The following DLD variants were observed in gnomAD, a reference collection of about 807,000 sequenced individuals.
DLD encodes the protein dihydrolipoamide dehydrogenase, also known as dihydrolipoyl dehydrogenase, mitochondrial.
Under a neutral mutation model 62.2 loss-of-function variants are expected in DLD, and 36 were observed. The observed-to-expected ratio is 0.58, with a 90% confidence interval of 0.44 to 0.76. DLD has a LOEUF of 0.76. Ranked by LOEUF, DLD falls within the 30% of genes least tolerant of loss-of-function variation. DLD has a pLI of 0.00. For synonymous variants in DLD, 204 were observed against 199.6 expected (o/e 1.02, Z -0.19); for missense variants, 541 against 608.6 (o/e 0.89, Z 1.17).
In DLD at chr7:107,897,574, C is replaced by CTTTT. The variant is rs35546358; in HGVS notation, c.119-4145_119-4142dup. ...AGTGGTAGGTATTATTGTAGACTGA[C>CTTTT]TTTTTTTTTTTTTTTTTTTTTTGAA... On this transcript the variant is annotated intron_variant, in intron 2 of 13. Transcript: ENST00000205402. Among the ~76,000 whole-genome samples, 548 of 111,328 alleles carry CTTTT rather than the reference C, an allele frequency of 4.9e-3. 20 individuals carry two copies. Among genetic ancestry groups the CTTTT allele is most frequent in the African/African-American group, 0.018 (504 of 28,762 alleles). The allele number at this position is 111,328 out of a possible 152,430, so 73.0% of individuals were successfully genotyped here.
chr7:107,917,166 AT>A, intron 10 of DLD, 106 bp from the exon 11 acceptor site: 3 of 1,347,876 alleles, frequency 2.2e-6, no homozygotes, highest in Non-Finnish European at 2.1e-6. Flanking sequence ...CATTTGATGT[AT>A]TTTTTGGTGA....
At position 107,905,030 on chromosome 7, in the gene DLD, G is replaced by T; in HGVS notation, c.410G>T (p.Gly137Val). Residue 137 changes from glycine to valine, a missense_variant, in exon 6 of 14, where the codon GGA becomes GTA. Transcript: ENST00000205402. ...KSTAVKALTGGIAHLFKQNKV... is the reference protein window; with the variant it reads ...KSTAVKALTGVIAHLFKQNKV... The stretch of plus-strand genomic sequence containing the variant: ...ACTGCAGTAAAAGCTTTAACAGGTG[G>T]AATTGCCCACTTATTCAAACAGAAT... The T allele has an allele frequency of 6.2e-7, 1 of 1,612,362 alleles. No individual in the cohort carries two copies. The highest frequency in any genetic ancestry group is 8.5e-7 in the Non-Finnish European group (1 of 1,178,810).
intron 6 of DLD, 150 bp downstream of exon 6, chr7:107,905,208 TCA>T: frequency 9.8e-7 from 1 of 1,023,666 alleles, no homozygotes; most frequent in Non-Finnish European, 1.5e-6. Flanking sequence ...CTGACATATA[TCA>T]CAGATTTTTT....
intron 8 of DLD, among the ~76,000 whole-genome samples, chr7:107,908,032 T>C (rs1230408891): frequency 6.6e-6 from 1 of 152,240 alleles, no homozygotes; most frequent in Non-Finnish European, 1.5e-5. Flanking sequence ...TGAAACACTT[T>C]GCCTAACTTC....
Position 107,915,559 on chromosome 7 carries a change from T to G in DLD, c.738T>G (p.Gly246=). Residue 246 remains glycine (G), a synonymous_variant, in exon 9 of 14, where the codon GGT becomes GGG. Coordinates refer to ENST00000205402, the MANE Select transcript of DLD (RefSeq NM_000108.5). The part of the protein sequence containing the change: ...GADVTAVEFL[G]HVGGVGIDME... ...ATGTGACAGCAGTTGAATTTTTAGG[T>G]CATGTAGGTGGAGTTGGAATTGATA... is the stretch of plus-strand genomic sequence containing the variant. 1.2e-6 allele frequency: 2 copies of G among 1,613,902 alleles called. No homozygotes were observed. The highest frequency in any genetic ancestry group is 1.7e-6 in the Non-Finnish European group (2 of 1,179,916).
chr7:107,909,839 CTTTTTTT>C (rs71134292), intron 8 of DLD, among the ~76,000 whole-genome samples: 1 of 73,052 alleles, frequency 1.4e-5, no homozygotes, highest in Non-Finnish European at 2.3e-5. Flanking sequence ...GGAGAATTAA[CTTTTTTT>C]TTTTTTTTTT....
Position 107,915,507 on chromosome 7 carries a change from G to T in DLD, c.686G>T (p.Gly229Val). Residue 229 changes from glycine (G) to valine (V), a missense_variant and splice_region_variant, in exon 9 of 14, where the codon GGT becomes GTT. Physicochemically the swap from Gly to Val is moderately radical, Grantham distance 109 (BLOSUM62 -3). Coordinates refer to ENST00000205402, the MANE Select transcript of DLD (RefSeq NM_000108.5). ...IGAGVIGVEL[G>V]SVWQRLGADV... ...TGGGTTTTTTTAATTTATTTGCAGGGTTCAGTTTGGCAAAGACTTGGTGCA... is the reference window on the plus strand; with the variant it reads ...TGGGTTTTTTTAATTTATTTGCAGGTTTCAGTTTGGCAAAGACTTGGTGCA... 1 of 1,613,720 alleles carries T rather than the reference G, an allele frequency of 6.2e-7. No individual in the cohort carries two copies. The highest frequency in any genetic ancestry group is 8.5e-7 in the Non-Finnish European group (1 of 1,179,806).
chr7:107,917,895 C>T (rs374456538), intron 11 of DLD, 29 bp from the exon 12 acceptor site: 12 of 1,613,486 alleles, frequency 7.4e-6, no homozygotes, highest in African/African-American at 5.3e-5. Flanking sequence ...CTGGCAGTTA[C>T]GTAGATTCTT....
At chr7:107,917,103 A>G (rs2032289532) in intron 10 of DLD, 139 bp downstream of exon 10, 2 of 1,211,284 alleles carry the variant, frequency 1.7e-6, no homozygotes, top group South Asian at 1.3e-5. Context: ...AAAATAAAAA[A>G]TAACTGAATT....
intron 4 of DLD, among the ~76,000 whole-genome samples, chr7:107,903,074 G>T (rs1328825170): frequency 6.6e-6 from 1 of 152,136 alleles, no homozygotes; most frequent in Admixed American, 6.5e-5. Flanking sequence ...CATTACCACA[G>T]TACTTATCAT....
At chr7:107,891,608 G>GGAAGT in intron 1 of DLD, 1 of 535,846 alleles carries the variant, frequency 1.9e-6, no homozygotes, top group African/African-American at 1.9e-5. Context: ...CTACCTTGGA[G>GGAAGT]GAAGTGTAAG....
chr7:107,915,378 C>T lies in DLD; in HGVS notation c.685-128C>T, dbSNP rs892429514. 2.4e-5 allele frequency: 23 copies of T among 949,218 alleles called. No homozygotes were observed. The African/African-American group carries it at 2.5e-4, about 10-fold the overall frequency. 58.8% of individuals were successfully genotyped at this position (949,218 alleles called of 1,614,324 possible). A position where few individuals can be genotyped will look rare whatever the true frequency, so the allele number is the denominator to read the frequency against. On this transcript the variant is annotated intron_variant, in intron 8 of 13. Coordinates refer to ENST00000205402, the MANE Select transcript of DLD (RefSeq NM_000108.5). ...ATTTAACACAGGGTCAATTTTAAAC[C>T]TCGGAGCTTCTCATAGGAACATACT... is the stretch of plus-strand genomic sequence containing the variant.
At chr7:107,909,746 C>G (rs1240462875) in intron 8 of DLD, among the ~76,000 whole-genome samples, 1 of 151,974 alleles carries the variant, frequency 6.6e-6, no homozygotes, top group African/African-American at 2.4e-5. Flanking sequence ...CTGTCTGCCA[C>G]CTTTTGGCAG....
intron 1 of DLD, among the ~76,000 whole-genome samples, chr7:107,891,949 G>A (rs2031589769): frequency 6.6e-6 from 1 of 152,220 alleles, no homozygotes; most frequent in African/African-American, 2.4e-5. Flanking sequence ...CCGTGGCTGG[G>A]TACTATGTTA....
In DLD at chr7:107,905,343, A is replaced by C. The variant is rs748331300; in HGVS notation, c.439-18A>C. On this transcript the variant is annotated intron_variant, in intron 6 of 13. Transcript: ENST00000205402. The stretch of plus-strand genomic sequence containing the variant: ...ATTACTTTAAACTTTGTGAATTTAT[A>C]AAGATTATTTTGTAAAGGTTGTTCA... 1 of 1,605,232 alleles carries C rather than the reference A, an allele frequency of 6.2e-7. No homozygotes were observed. Among genetic ancestry groups the C allele is most frequent in the Non-Finnish European group, 8.5e-7 (1 of 1,172,272 alleles).
chr7:107,904,951 A>G lies in DLD; in HGVS notation c.338-7A>G, dbSNP rs1176486260. 1 of 1,606,492 alleles carries G rather than the reference A, an allele frequency of 6.2e-7. No homozygotes were observed. The highest frequency in any genetic ancestry group is 1.1e-5 in the South Asian group (1 of 90,866). The stretch of plus-strand genomic sequence containing the variant: ...TAAGAACTAAAGATTAATTGAACAA[A>G]TTACAGTGTCCGAAGTTCGCTTGAA... On this transcript the variant is annotated splice_region_variant and splice_polypyrimidine_tract_variant and intron_variant, in intron 5 of 13. Transcript: ENST00000205402.
At position 107,906,358 on chromosome 7, in the gene DLD, G is replaced by C; in HGVS notation, c.674G>C (p.Gly225Ala). Reference protein sequence around the residue: ...KMVVIGAGVIGVELGSVWQRL... With the variant: ...KMVVIGAGVIAVELGSVWQRL... ...GTTGTTATTGGTGCAGGAGTAATAG[G>C]TGTAGAATTGGTAAGTGTTGTCTTT... The change falls in exon 8 of 14, where the codon GGT becomes GCT. Residue 225 changes from glycine to alanine, a missense_variant. Transcript: ENST00000205402. 1 of 1,605,832 alleles carries C rather than the reference G, an allele frequency of 6.2e-7. No individual in the cohort carries two copies. The highest frequency in any genetic ancestry group is 8.5e-7 in the Non-Finnish European group (1 of 1,172,620).
At position 107,917,373 on chromosome 7, in the gene DLD, C is replaced by A. The variant is rs764705382; in HGVS notation, c.1147C>A (p.His383Asn). The A allele has an allele frequency of 3.1e-6, 5 of 1,614,104 alleles. 1 individual carries two copies. The South Asian group carries it at 4.4e-5, about 14-fold the overall frequency. ...TGAAGGAATGGCTGGTGGTGCTGTG[C>A]ACATTGACTACAATTGTGTGCCATC... Reference protein sequence around the residue: ...CVEGMAGGAVHIDYNCVPSVI... With the variant: ...CVEGMAGGAVNIDYNCVPSVI... Residue 383 changes from histidine (H) to asparagine (N), a missense_variant, in exon 11 of 14, where the codon CAC becomes AAC. His to Asn is a moderately conservative substitution (Grantham distance 68). Transcript: ENST00000205402.
At chr7:107,899,972 A>C (rs2031835529) in intron 2 of DLD, among the ~76,000 whole-genome samples, 1 of 131,982 alleles carries the variant, frequency 7.6e-6, no homozygotes, top group Non-Finnish European at 1.7e-5. Flanking sequence ...CATTTGGTTC[A>C]AGATTTGAAA....
Sources: gnomAD v4.1 joint callset for allele counts (sites outside exome capture counted in the v4.1 genomes callset) on GRCh38, gnomAD v4.1.1 for gene constraint, MANE v1.5 for transcripts, NCBI Gene and HGNC (gene_info 2026-07-23, HGNC 2026-07-21) for gene names.